The following KLC1 variants were observed in gnomAD, a reference collection of about 807,000 sequenced individuals.
The protein encoded by KLC1 is kinesin 2 60/70kDa.
A neutral mutation model predicts 84.2 loss-of-function variants in KLC1; 30 were observed. That is an observed-to-expected ratio of 0.36 (90% CI 0.27 to 0.48). The LOEUF is 0.48. Among genes scored for constraint, KLC1 ranks in the 20% least tolerant of loss-of-function variants. The pLI, the probability that KLC1 is intolerant of heterozygous loss-of-function variation, is 0.99. For missense variants in KLC1, 499 were observed against 805.4 expected (o/e 0.62, Z 4.60); for synonymous variants, 289 against 293.3 (o/e 0.99, Z 0.15).
chr14:103,641,537 C>A (rs548932500), intron 1 of KLC1, among the ~76,000 whole-genome samples: 3 of 152,128 alleles, frequency 2.0e-5, no homozygotes, highest in African/African-American at 7.2e-5. Context: ...CTACCGACTT[C>A]TAGATGTATT....
chr14:103,679,650 T>A, intron 13 of KLC1, 105 bp downstream of exon 13: 1 of 790,870 alleles, frequency 1.3e-6, no homozygotes, highest in Non-Finnish European at 2.1e-6. Context: ...TTTTCTCAAA[T>A]TAAGTGCCAA....
At chr14:103,692,334 T>C (rs927216497) in intron 14 of KLC1, 25 bp from the exon 15 acceptor site, 2 of 1,536,012 alleles carry the variant, frequency 1.3e-6, no homozygotes, top group Non-Finnish European at 1.7e-6. Context: ...TCGTTTGTCC[T>C]TGCATGTCCG....
At chr14:103,631,854 C>T (rs1003198711) in intron 1 of KLC1, among the ~76,000 whole-genome samples, 1 of 152,128 alleles carries the variant, frequency 6.6e-6, no homozygotes, top group Non-Finnish European at 1.5e-5. Context: ...CCGCCTCAGC[C>T]TCCCAAAGTG....
In KLC1 at chr14:103,654,659, T is replaced by C; in HGVS notation, c.95T>C (p.Ile32Thr). ...DEIISKTKQV[I>T]QGLEALKNEH... ...ATTATTTCTAAGACAAAGCAAGTAA[T>C]TCAGGGGCTGGAAGCTTTGAAGAAT... Residue 32 changes from isoleucine (I) to threonine (T), a missense_variant, in exon 2 of 17, where the codon ATT (isoleucine) becomes ACT (threonine). By Grantham distance (89) the Ile-to-Thr change is moderately conservative (BLOSUM62 -1). Around this residue, in one of 3 missense-constraint regions of KLC1, gnomAD observed 179 missense variants for 264.2 expected, o/e 0.68. Coordinates refer to ENST00000334553, the MANE Select transcript of KLC1 (RefSeq NM_001394837.1). The C allele has an allele frequency of 6.2e-7, 1 of 1,614,184 alleles. No individual in the cohort carries two copies. Among genetic ancestry groups the C allele is most frequent in the Non-Finnish European group, 8.5e-7 (1 of 1,180,024 alleles).
At position 103,692,308 on chromosome 14, in the gene KLC1, T is replaced by C. The variant is rs185938399; in HGVS notation, c.1782-51T>C. On this transcript the variant is annotated intron_variant, in intron 14 of 16. Transcript: ENST00000334553. ...CTTTGCTTGTGCTTCCTGTTGCTGG[T>C]TGACCGATGTGCTGATCGTTTGTCC... 6.0e-6 allele frequency: 9 copies of C among 1,511,996 alleles called. No homozygotes were observed. In the Admixed American group the frequency reaches 1.8e-4, roughly 30 times the overall value. The allele number at this position is 1,511,996 out of a possible 1,614,324, so 93.7% of individuals were successfully genotyped here.
chr14:103,689,615 A>G (rs1265769435), intron 14 of KLC1, among the ~76,000 whole-genome samples: 4 of 152,180 alleles, frequency 2.6e-5, no homozygotes, highest in African/African-American at 9.7e-5. Context: ...CCAATTCCTG[A>G]GTCCCTGATC....
chr14:103,647,418 T>G (rs1287135165), intron 1 of KLC1, among the ~76,000 whole-genome samples: 1 of 151,786 alleles, frequency 6.6e-6, no homozygotes, highest in African/African-American at 2.4e-5. Context: ...TTACTAGAGA[T>G]GGGGTTTTGC....
intron 3 of KLC1, among the ~76,000 whole-genome samples, chr14:103,660,608 G>A (rs999551473): frequency 1.3e-5 from 2 of 151,912 alleles, no homozygotes; most frequent in Admixed American, 6.6e-5. Flanking sequence ...GGCCAACATA[G>A]CAAAACCCCT....
chr14:103,650,092 A>T (rs1442543062), intron 1 of KLC1, among the ~76,000 whole-genome samples: 1 of 152,094 alleles, frequency 6.6e-6, no homozygotes, highest in African/African-American at 2.4e-5. Context: ...GGAGTAAATA[A>T]TGGAACTTTA....
chr14:103,682,565 AT>A (rs976032881), intron 13 of KLC1: 2 of 150,586 alleles, frequency 1.3e-5, no homozygotes, highest in East Asian at 4.0e-4. Flanking sequence ...GGCACCTGTA[AT>A]CCCAGCTACT....
intron 5 of KLC1, among the ~76,000 whole-genome samples, chr14:103,667,167 A>G (rs2079932344): frequency 6.6e-6 from 1 of 151,838 alleles, no homozygotes; most frequent in South Asian, 2.1e-4. Context: ...GCTGGAGTGC[A>G]ATGGCACAAT....
At chr14:103,695,273 C>A in intron 15 of KLC1, 1 of 643,088 alleles carries the variant, frequency 1.6e-6, no homozygotes, top group Non-Finnish European at 1.9e-6. Context: ...ACAGCTTGGG[C>A]AACACAGCGA....
intron 5 of KLC1, among the ~76,000 whole-genome samples, chr14:103,664,174 CAG>C (rs2079547465): frequency 6.6e-6 from 1 of 151,988 alleles, no homozygotes; most frequent in South Asian, 2.1e-4. Context: ...TTTTTTGAGA[CAG>C]AGTCTGGCTC....
chr14:103,667,910 C>T (rs1294611769), intron 5 of KLC1, among the ~76,000 whole-genome samples: 6 of 152,260 alleles, frequency 3.9e-5, no homozygotes, highest in Admixed American at 6.5e-5. Context: ...GTGAGTAGCA[C>T]GCTTAAACTG....
chr14:103,695,270 G>T, intron 15 of KLC1: 1 of 651,432 alleles, frequency 1.5e-6, no homozygotes, highest in Non-Finnish European at 1.9e-6. Context: ...AGAACAGCTT[G>T]GGCAACACAG....
chr14:103,696,139 G>A (rs1371446069), intron 15 of KLC1: 10 of 943,856 alleles, frequency 1.1e-5, no homozygotes, highest in East Asian at 1.4e-4. Flanking sequence ...TGCAGCGCCC[G>A]TCCCCAGCAA....
intron 15 of KLC1, chr14:103,696,712 C>T (rs1477640851): frequency 2.0e-6 from 2 of 985,330 alleles, no homozygotes; most frequent in African/African-American, 3.5e-5. Context: ...ACAATTAGTT[C>T]CCCAACTCTG....
chr14:103,629,983 C>G (rs1201144132), intron 1 of KLC1, among the ~76,000 whole-genome samples: 2 of 152,204 alleles, frequency 1.3e-5, no homozygotes, highest in East Asian at 3.9e-4. Context: ...CCTCCTCTTC[C>G]TTCCACCCCC....
chr14:103,657,517 C>T, intron 2 of KLC1, 29 bp from the exon 3 acceptor site: 1 of 1,575,476 alleles, frequency 6.3e-7, no homozygotes, highest in Non-Finnish European at 8.7e-7. Context: ...CAACGTGCCA[C>T]AGTGCTGCAC....
Sources: gnomAD v4.1 joint callset for allele counts (sites outside exome capture counted in the v4.1 genomes callset) on GRCh38, gnomAD v4.1.1 for gene constraint, gnomAD v4.1.1 regional missense constraint, MANE v1.5 for transcripts, NCBI Gene and HGNC (gene_info 2026-07-23, HGNC 2026-07-21) for gene names.